RO60: variants seen among roughly 807,000 people sequenced by gnomAD.
RO60 encodes RNA-binding protein RO60.
A neutral mutation model predicts 55.3 loss-of-function variants in RO60; 20 were observed. That is an observed-to-expected ratio of 0.36 (90% CI 0.25 to 0.53). The LOEUF is 0.53. RO60 is among the 20% of genes least tolerant of loss of function. RO60 has a pLI of 0.92. For missense variants in RO60, 558 were observed against 646.6 expected (o/e 0.86, Z 1.49); for synonymous variants, 213 against 213.6 (o/e 1.00, Z 0.02).
chr1:193,069,795 T>A (rs1328337401), intron 2 of RO60, among the ~76,000 whole-genome samples, 161 bp downstream of exon 2: 1 of 152,176 alleles, frequency 6.6e-6, no homozygotes, highest in Non-Finnish European at 1.5e-5. Flanking sequence ...TTCCTGGGAT[T>A]ACACCCCTAC....
At position 193,076,933 on chromosome 1, in the gene RO60, T is replaced by C. The variant is rs1437154565; in HGVS notation, c.969T>C (p.His323=). The change falls in exon 5 of 9, where the codon CAT becomes CAC. Residue 323 remains histidine, a synonymous_variant. Transcript: ENST00000400968. ...TCTAGGCTCGTATACATCCATTTCA[T>C]ATTTTGATCGCATTAGAAACTTACA... The part of the protein sequence containing the change: ...LLKKARIHPF[H]ILIALETYKT... The C allele has an allele frequency of 6.2e-7, 1 of 1,611,972 alleles. No individual in the cohort carries two copies.
At chr1:193,069,663 G>C (rs1343693874) in intron 2 of RO60, 29 bp downstream of exon 2, 3 of 1,539,416 alleles carry the variant, frequency 1.9e-6, no homozygotes, top group South Asian at 1.2e-5. Flanking sequence ...TTGGGAAGAA[G>C]GGTGGGTAAG....
At chr1:193,060,133 C>G in intron 1 of RO60, 1 of 1,191,300 alleles carries the variant, frequency 8.4e-7, no homozygotes, top group South Asian at 1.5e-5. Flanking sequence ...CGCGGAGAGG[C>G]GTCGCCCGGG....
At chr1:193,082,763 ATT>A (rs201236241) in intron 8 of RO60, 55 bp downstream of exon 8, 45,106 of 1,090,740 alleles carry the variant, frequency 0.041, no homozygotes, top group South Asian at 0.055. Flanking sequence ...TTAATACTTG[ATT>A]TTTTTTTTTT....
chr1:193,082,480 G>A (rs1674380163), intron 7 of RO60, 82 bp from the exon 8 acceptor site: 4 of 1,496,440 alleles, frequency 2.7e-6, no homozygotes, highest in Middle Eastern at 2.2e-4. Context: ...GTATATATTG[G>A]TGCTAAACAA....
At chr1:193,066,413 CTG>C (rs1159781731) in intron 1 of RO60, among the ~76,000 whole-genome samples, 1 of 152,208 alleles carries the variant, frequency 6.6e-6, no homozygotes, top group Non-Finnish European at 1.5e-5. Flanking sequence ...CCTGATCTCA[CTG>C]TAATCAAGCT....
chr1:193,084,477 A>G, intron 8 of RO60, 102 bp from the exon 9 acceptor site: 1 of 1,342,896 alleles, frequency 7.4e-7, no homozygotes, highest in Non-Finnish European at 9.8e-7. Context: ...CTTTGTATTT[A>G]AAAAGCTCTG....
rs1005459654 is a variant in RO60 at position 193,085,056 on chromosome 1, G to C, written c.*325G>C. 2.0e-5 allele frequency: 31 copies of C among 1,515,850 alleles called. No individual in the cohort carries two copies. The Admixed American group carries it at 6.6e-4, about 32-fold the overall frequency. 93.9% of individuals were successfully genotyped at this position (1,515,850 alleles called of 1,614,324 possible). A position where few individuals can be genotyped will look rare whatever the true frequency, so the allele number is the denominator to read the frequency against. ...CCTAAAAGAGGTAAGAGCAAAAAGT[G>C]TAATTCCACATCATGTTACTTGAGA... On this transcript the variant is annotated 3_prime_UTR_variant, in exon 9 of 9. Transcript: ENST00000400968.
At chr1:193,062,724 T>C (rs1433153489) in intron 1 of RO60, among the ~76,000 whole-genome samples, 1 of 152,196 alleles carries the variant, frequency 6.6e-6, no homozygotes, top group Non-Finnish European at 1.5e-5. Flanking sequence ...ACTAATGTAC[T>C]TTTTATTTCT....
chr1:193,062,021 T>C (rs1033164414), intron 1 of RO60, among the ~76,000 whole-genome samples: 1 of 151,892 alleles, frequency 6.6e-6, no homozygotes, highest in Non-Finnish European at 1.5e-5. Context: ...TTTAATATTA[T>C]AGTATTGTAA....
chr1:193,078,528 G>A (rs773142334), intron 5 of RO60, among the ~76,000 whole-genome samples: 5 of 152,048 alleles, frequency 3.3e-5, no homozygotes, highest in South Asian at 2.1e-4. Context: ...AATGAATTCA[G>A]CAAAGTTACA....
chr1:193,072,797 T>C lies in RO60; in HGVS notation c.581-3023T>C, dbSNP rs368158521. Among the ~76,000 whole-genome samples the C allele has an allele frequency of 3.5e-4, 54 of 152,292 alleles. No homozygotes were observed. The East Asian group carries it at 4.6e-3, about 13-fold the overall frequency. On this transcript the variant is annotated intron_variant, in intron 2 of 8. Coordinates refer to ENST00000400968, the MANE Select transcript of RO60 (RefSeq NM_001173524.2). The stretch of plus-strand genomic sequence containing the variant: ...TAGTTTCTGAACTTGTGAAAATAAT[T>C]ATTCTGTGCTTTGTCTTTTTGGTCT...
rs1674719895 is a variant in RO60 at position 193,088,483 on chromosome 1, A to C, written c.*3752A>C. 6.6e-6 allele frequency: 1 copy of C among 152,086 alleles called. No individual in the cohort carries two copies. Among genetic ancestry groups the C allele is most frequent in the Non-Finnish European group, 1.5e-5 (1 of 68,018 alleles). 9.4% of individuals were successfully genotyped at this position (152,086 alleles called of 1,614,324 possible). A position where few individuals can be genotyped will look rare whatever the true frequency, so the allele number is the denominator to read the frequency against. On this transcript the variant is annotated 3_prime_UTR_variant, in exon 9 of 9. Transcript: ENST00000400968. ...AATAAATCTGAAGGTCTCACAATTA[A>C]GTGAGAAACACCTTTAAAAGCATAG...
chr1:193,060,209 G>T, intron 1 of RO60: 3 of 880,558 alleles, frequency 3.4e-6, no homozygotes, highest in Non-Finnish European at 4.5e-6. Flanking sequence ...GGAATAACGA[G>T]GGAGAGGAGA....
chr1:193,083,176 C>T (rs1318040200), intron 8 of RO60, among the ~76,000 whole-genome samples: 4 of 152,180 alleles, frequency 2.6e-5, no homozygotes, highest in Non-Finnish European at 4.4e-5. Context: ...ATTGATTACA[C>T]ACATAAAATT....
At chr1:193,075,784 T>C (rs201787189) in intron 2 of RO60, 36 bp from the exon 3 acceptor site, 1 of 1,476,028 alleles carries the variant, frequency 6.8e-7, no homozygotes, top group African/African-American at 1.4e-5. Flanking sequence ...TACTTGGTAA[T>C]CCTGCATGCT....
chr1:193,084,080 G>A (rs1468211833), intron 8 of RO60, among the ~76,000 whole-genome samples: 3 of 152,218 alleles, frequency 2.0e-5, no homozygotes, highest in South Asian at 4.1e-4. Context: ...TTCAGTGATT[G>A]TTGGTTTTTC....
chr1:193,079,746 CA>C (rs1572097162), intron 5 of RO60, among the ~76,000 whole-genome samples: 1 of 152,070 alleles, frequency 6.6e-6, no homozygotes, highest in African/African-American at 2.4e-5. Context: ...CTGAAAACTA[CA>C]AATTCAGCAA....
chr1:193,084,454 C>A, intron 8 of RO60, 125 bp from the exon 9 acceptor site: 1 of 1,159,964 alleles, frequency 8.6e-7, no homozygotes, highest in Non-Finnish European at 1.2e-6. Context: ...GATTGACCCC[C>A]GCAAAAAAAT....
Sources: allele counts gnomAD v4.1 joint callset (sites outside exome capture counted in the v4.1 genomes callset), GRCh38; gene constraint gnomAD v4.1.1; transcripts MANE v1.5; gene names NCBI Gene and HGNC (gene_info 2026-07-23, HGNC 2026-07-21).